Variants in UBXN6 observed in about 807,000 individuals in gnomAD.
UBXN6 encodes UBX domain-containing protein 6.
Under a neutral mutation model 51.4 loss-of-function variants are expected in UBXN6, and 44 were observed. The ratio of observed to expected loss-of-function variants is 0.86; its 90% CI spans 0.67 to 1.10. UBXN6 has a LOEUF of 1.10. Ranked by LOEUF, UBXN6 falls within the 50% of genes least tolerant of loss-of-function variation. The pLI is 0.00. For missense variants in UBXN6, 672 were observed against 596.1 expected, an observed-to-expected ratio of 1.13 and a Z score of -1.32; for synonymous variants, 316 against 263.2, an observed-to-expected ratio of 1.20 and a Z score of -1.94.
intron 4 of UBXN6, 46 bp from the exon 5 acceptor site, chr19:4,448,461 C>T (rs764009181): frequency 7.3e-6 from 11 of 1,501,390 alleles, no homozygotes; most frequent in South Asian, 7.1e-5. Flanking sequence ...GAGCCCGGGC[C>T]GCACGGCCCT....
rs536447554 is a variant in UBXN6, at chr19:4,452,319, C to T, written c.441+45G>A. On this transcript the variant is annotated intron_variant, in intron 4 of 10. Transcript: ENST00000301281. ...CTTCCGATGGAGGGTGGCTCAGGCA[C>T]AGGAAGCTACAGGTTGGGGCAGGAG... The T allele has an allele frequency of 5.0e-6, 8 of 1,600,674 alleles. No individual in the cohort carries two copies. In the African/African-American group the frequency reaches 9.4e-5, roughly 19 times the overall value.
At chr19:4,447,848 C>T (rs1974570093) in intron 5 of UBXN6, 4 of 571,114 alleles carry the variant, frequency 7.0e-6, no homozygotes, top group Non-Finnish European at 1.3e-5. Context: ...CCACGGAACC[C>T]CTCACCGTCC....
At position 4,446,382 on chromosome 19, in the gene UBXN6, G is replaced by T; in HGVS notation, c.952C>A (p.Arg318=). 1 of 1,576,746 alleles carries T rather than the reference G, an allele frequency of 6.3e-7. No homozygotes were observed. ...SEAVERLSVL[R]TKAMREKEEQ... is the part of the protein sequence containing the mutation. ...TCCTTCTCCCGCATGGCCTTGGTCC[G>T]CAGCACGCTCAGCCGCTCCACCGCC... The change falls in exon 9 of 11, where the codon CGG becomes AGG. Residue 318 remains arginine (R), a synonymous_variant. Transcript: ENST00000301281.
rs772192657 is a variant in UBXN6, at chr19:4,446,504, G to GCCTCTGCTCCCGCTTGATCT, written c.896_915dup (p.Leu306ArgfsTer16). 4 of 1,607,570 alleles carry GCCTCTGCTCCCGCTTGATCT rather than the reference G, an allele frequency of 2.5e-6. 1 individual carries two copies. The South Asian group carries it at 3.3e-5, about 13-fold the overall frequency. ...CTCCGCGGACGTCAGGCCCACCTGA[G>GCCTCTGCTCCCGCTTGATCT]CCTCTGCTCCCGCTTGATCTCCTCT... On this transcript the variant is annotated frameshift_variant, in exon 8 of 11. Coordinates refer to ENST00000301281, the MANE Select transcript of UBXN6 (RefSeq NM_025241.3). LOFTEE classifies it high-confidence loss of function.
chr19:4,456,692 A>G (rs528801695), intron 1 of UBXN6, among the ~76,000 whole-genome samples: 1 of 152,222 alleles, frequency 6.6e-6, no homozygotes, highest in South Asian at 2.1e-4. Context: ...ACAATCCGGA[A>G]GCCTGCCCGG....
intron 10 of UBXN6, 53 bp from the exon 11 acceptor site, chr19:4,445,676 G>C: frequency 6.3e-7 from 1 of 1,585,124 alleles, no homozygotes; most frequent in Non-Finnish European, 8.6e-7. Context: ...CCTTGCCGCG[G>C]CAGGGAACTC....
chr19:4,457,088 G>A (rs1277587991), intron 1 of UBXN6, among the ~76,000 whole-genome samples: 2 of 151,960 alleles, frequency 1.3e-5, no homozygotes. Context: ...CCCCACAGCT[G>A]TGCGTCCTCC....
chr19:4,446,965 A>G (rs1490674176), intron 6 of UBXN6, 45 bp from the exon 7 acceptor site: 1 of 1,589,576 alleles, frequency 6.3e-7, no homozygotes, highest in South Asian at 1.1e-5. Flanking sequence ...GGCTTCCTCC[A>G]TGGCCTGGCC....
intron 3 of UBXN6, among the ~76,000 whole-genome samples, chr19:4,452,966 C>T (rs946000026): frequency 2.6e-5 from 4 of 152,230 alleles, no homozygotes; most frequent in African/African-American, 9.6e-5. Context: ...TTCAGCGGAG[C>T]TCTGAAGGCC....
Position 4,453,978 on chromosome 19 carries a change from G to T in UBXN6, c.199C>A (p.Gln67Lys), listed in dbSNP as rs756335250. Residue 67 changes from glutamine to lysine, a missense_variant, in exon 2 of 11, where the codon CAG (glutamine) becomes AAG (lysine). By Grantham distance (53) the Gln-to-Lys change is moderately conservative. Transcript: ENST00000301281. ...AAALARLEQK[Q>K]SRAWGPTSQD... ...GATGTGGGGCCCCAGGCCCGGGACTGCTTCTGCTCCAGCCGGGCTAGGGCG... is the reference window on the plus strand; with the variant it reads ...GATGTGGGGCCCCAGGCCCGGGACTTCTTCTGCTCCAGCCGGGCTAGGGCG... 6.2e-7 allele frequency: 1 copy of T among 1,611,254 alleles called. No homozygotes were observed. The highest frequency in any genetic ancestry group is 2.2e-5 in the East Asian group (1 of 44,826).
chr19:4,457,261 G>A (rs1460469194), intron 1 of UBXN6, among the ~76,000 whole-genome samples: 1 of 149,598 alleles, frequency 6.7e-6, no homozygotes, highest in East Asian at 2.0e-4. Context: ...ACTGCCTACA[G>A]CCCCGTCGCC....
chr19:4,446,240 C>G, intron 9 of UBXN6, 43 bp from the exon 10 acceptor site: 1 of 1,574,100 alleles, frequency 6.4e-7, no homozygotes, highest in South Asian at 1.1e-5. Flanking sequence ...CCAGGGCCCC[C>G]TACCAACCCG....
At chr19:4,446,258 C>T (rs1245668404) in intron 9 of UBXN6, 25 bp downstream of exon 9, 2 of 1,569,896 alleles carry the variant, frequency 1.3e-6, no homozygotes, top group Non-Finnish European at 1.7e-6. Flanking sequence ...CCGAGCCGCC[C>T]TCCACGGGCA....
chr19:4,452,578 G>A (rs1422422473), intron 3 of UBXN6, 86 bp from the exon 4 acceptor site: 22 of 1,478,282 alleles, frequency 1.5e-5, no homozygotes, highest in African/African-American at 2.8e-5. Flanking sequence ...AGTGTGGCCC[G>A]TAGAACCAGA....
chr19:4,456,952 G>A (rs569401116), intron 1 of UBXN6, among the ~76,000 whole-genome samples: 4 of 152,046 alleles, frequency 2.6e-5, no homozygotes, highest in Non-Finnish European at 5.9e-5. Context: ...TGACGACGCT[G>A]CCCACCCCGG....
At position 4,452,463 on chromosome 19, in the gene UBXN6, G is replaced by A. The variant is rs1974669740; in HGVS notation, c.342C>T (p.Ala114=). Residue 114 remains alanine (A), a synonymous_variant, in exon 4 of 11, where the codon GCC becomes GCT. Transcript: ENST00000301281. ...AGTACACGCCAGGCACAGCCAGGTGGGCAGAGCCTTCCTCTCTGGGCTCAG... is the reference window on the plus strand; with the variant it reads ...AGTACACGCCAGGCACAGCCAGGTGAGCAGAGCCTTCCTCTCTGGGCTCAG... ...VVSEPREEGS[A]HLAVPGVYFT... The A allele has an allele frequency of 1.2e-6, 2 of 1,611,670 alleles. No individual in the cohort carries two copies. The highest frequency in any genetic ancestry group is 2.2e-5 in the South Asian group (2 of 90,874).
In UBXN6 at chr19:4,448,253, C is replaced by T. The variant is rs1974580175; in HGVS notation, c.539+65G>A. 2.8e-6 allele frequency: 4 copies of T among 1,434,384 alleles called. No individual in the cohort carries two copies. The East Asian group carries it at 9.8e-5, about 35-fold the overall frequency. 88.9% of individuals were successfully genotyped at this position (1,434,384 alleles called of 1,614,324 possible). A position where few individuals can be genotyped will look rare whatever the true frequency, so the allele number is the denominator to read the frequency against. On this transcript the variant is annotated intron_variant, in intron 5 of 10. Transcript: ENST00000301281. ...TGAGGGGGCCAGAGGGGGTGACAGC[C>T]CCAGTGGGAGGGGTGCTGGGATGAG... is the stretch of plus-strand genomic sequence containing the variant.
In UBXN6 at chr19:4,446,269, T is replaced by C; in HGVS notation, c.1051+14A>G. 1 of 1,569,754 alleles carries C rather than the reference T, an allele frequency of 6.4e-7. No individual in the cohort carries two copies. The highest frequency in any genetic ancestry group is 1.3e-5 in the African/African-American group (1 of 74,362). ...CAACCCGAGCCGCCCTCCACGGGCA[T>C]CGTTGGTGCCCACCCTGCAGGAGGC... On this transcript the variant is annotated intron_variant, in intron 9 of 10. Transcript: ENST00000301281.
chr19:4,453,355 A>G, intron 3 of UBXN6, 103 bp downstream of exon 3: 2 of 1,319,908 alleles, frequency 1.5e-6, no homozygotes, highest in Non-Finnish European at 2.1e-6. Flanking sequence ...AGGTTTTCCA[A>G]CAGCCCTTGA....
Sources: allele counts gnomAD v4.1 joint callset (sites outside exome capture counted in the v4.1 genomes callset), GRCh38; gene constraint gnomAD v4.1.1; transcripts MANE v1.5; gene names NCBI Gene and HGNC (gene_info 2026-07-23, HGNC 2026-07-21).